Variants in SNX29 observed in about 807,000 individuals in gnomAD.
The protein encoded by SNX29 is sorting nexin 29.
A neutral mutation model predicts 102.1 loss-of-function variants in SNX29; 78 were observed. That is an observed-to-expected ratio of 0.76 (90% CI 0.64 to 0.92). The LOEUF is 0.92. SNX29 is among the 40% of genes least tolerant of loss of function. The pLI, the probability that SNX29 is intolerant of heterozygous loss-of-function variation, is 0.00. For synonymous variants in SNX29, 580 were observed against 414.5 expected, an observed-to-expected ratio of 1.40 and a Z score of -4.85; for missense variants, 1,280 against 1,061.7, an observed-to-expected ratio of 1.21 and a Z score of -2.86.
intron 19 of SNX29, among the ~76,000 whole-genome samples, chr16:12,518,174 T>G (rs1472094621): frequency 1.3e-5 from 2 of 152,062 alleles, no homozygotes; most frequent in Admixed American, 1.3e-4. Flanking sequence ...TTTTGAGAGC[T>G]CTCTCTGCCT....
At chr16:12,043,745 TTTG>T (rs1440116134) in intron 5 of SNX29, among the ~76,000 whole-genome samples, 1 of 128,010 alleles carries the variant, frequency 7.8e-6, no homozygotes, top group Non-Finnish European at 1.8e-5. Flanking sequence ...AGTCATTTTT[TTTG>T]TTGTTGTTTG....
intron 13 of SNX29, among the ~76,000 whole-genome samples, chr16:12,144,454 TGA>T (rs2054977845): frequency 1.3e-5 from 2 of 152,320 alleles, no homozygotes; most frequent in Admixed American, 1.3e-4. Context: ...TGGTACCACC[TGA>T]GAGGTGATTA....
rs373895093 is a variant in SNX29, at chr16:12,502,425, C to T, written c.2179-22277C>T. 2.2e-4 allele frequency among the ~76,000 whole-genome samples: 34 copies of T among 152,284 alleles called. No individual in the cohort carries two copies. In the East Asian group the frequency reaches 5.8e-3, roughly 26 times the overall value. On this transcript the variant is annotated intron_variant, in intron 19 of 20. Coordinates refer to ENST00000566228, the MANE Select transcript of SNX29 (RefSeq NM_032167.5). ...GGCCGGGCCCACAGGGAATGCTTCA[C>T]AGCCGCCGGTGGTGGTGGTTGCTAG... is the stretch of plus-strand genomic sequence containing the variant.
At chr16:12,560,558 AGT>A (rs1399979911) in intron 20 of SNX29, among the ~76,000 whole-genome samples, 2 of 152,130 alleles carry the variant, frequency 1.3e-5, no homozygotes, top group Non-Finnish European at 2.9e-5. Flanking sequence ...AACGTTGCTC[AGT>A]GTGATTCCTT....
At chr16:12,033,246 A>G (rs1004420635) in intron 4 of SNX29, among the ~76,000 whole-genome samples, 12 of 149,172 alleles carry the variant, frequency 8.0e-5, no homozygotes, top group Non-Finnish European at 1.8e-4. Context: ...CTTTTTTCAT[A>G]TATATATATG....
chr16:12,418,706 G>C (rs1567543515), intron 18 of SNX29, among the ~76,000 whole-genome samples: 1 of 152,102 alleles, frequency 6.6e-6, no homozygotes, highest in Non-Finnish European at 1.5e-5. Context: ...GTAGAGACGG[G>C]GTTTTGCCCT....
chr16:12,557,830 AAAC>A (rs1256072265), intron 20 of SNX29: 6 of 152,216 alleles, frequency 3.9e-5, no homozygotes, highest in South Asian at 2.1e-4. Context: ...TTGTTCACCA[AAAC>A]ATCATCAATG....
intron 20 of SNX29, among the ~76,000 whole-genome samples, chr16:12,565,536 G>A (rs565416289): frequency 1.1e-4 from 16 of 152,076 alleles, no homozygotes; most frequent in African/African-American, 3.1e-4. Context: ...ATGGCCTCGA[G>A]GATTGAACCA....
At chr16:12,494,641 C>A (rs996517281) in intron 19 of SNX29, among the ~76,000 whole-genome samples, 3 of 152,312 alleles carry the variant, frequency 2.0e-5, no homozygotes, top group African/African-American at 7.2e-5. Context: ...AGCTTAACCA[C>A]CCCCTTGGAA....
At chr16:12,082,498 C>T (rs370548452) in intron 11 of SNX29, among the ~76,000 whole-genome samples, 1 of 152,042 alleles carries the variant, frequency 6.6e-6, no homozygotes, top group Admixed American at 6.6e-5. Flanking sequence ...CATACATGCC[C>T]TTAAACATGC....
At chr16:12,433,148 C>T (rs1032135850) in intron 18 of SNX29, among the ~76,000 whole-genome samples, 1 of 152,200 alleles carries the variant, frequency 6.6e-6, no homozygotes, top group Admixed American at 6.5e-5. Flanking sequence ...AGGTCCACTC[C>T]CACCACGAGT....
chr16:12,470,369 T>C (rs2087276897), intron 18 of SNX29, among the ~76,000 whole-genome samples: 1 of 152,260 alleles, frequency 6.6e-6, no homozygotes, highest in Admixed American at 6.5e-5. Flanking sequence ...CGGGTTTCTC[T>C]GTGGGGTCTG....
intron 19 of SNX29, among the ~76,000 whole-genome samples, chr16:12,519,667 T>C (rs142851581): frequency 6.6e-6 from 1 of 152,338 alleles, no homozygotes; most frequent in East Asian, 1.9e-4. Flanking sequence ...TGGAGATTCA[T>C]TAAAATTTGT....
chr16:12,032,377 T>C (rs1358130942), intron 4 of SNX29, among the ~76,000 whole-genome samples: 1 of 151,934 alleles, frequency 6.6e-6, no homozygotes, highest in Non-Finnish European at 1.5e-5. Context: ...CCGGCTAATT[T>C]TTGTATTTTT....
chr16:12,252,457 G>T (rs1405393822), intron 14 of SNX29, among the ~76,000 whole-genome samples: 1 of 152,158 alleles, frequency 6.6e-6, no homozygotes, highest in Non-Finnish European at 1.5e-5. Flanking sequence ...TCTAAGATGG[G>T]GGAACACACA....
intron 16 of SNX29, among the ~76,000 whole-genome samples, chr16:12,384,977 C>T (rs1043539641): frequency 9.2e-5 from 14 of 152,168 alleles, no homozygotes; most frequent in African/African-American, 3.4e-4. Flanking sequence ...TCAAGACCAG[C>T]CTGACCAACA....
At chr16:12,252,906 T>C (rs576634429) in intron 14 of SNX29, among the ~76,000 whole-genome samples, 2 of 152,326 alleles carry the variant, frequency 1.3e-5, no homozygotes, top group African/African-American at 4.8e-5. Flanking sequence ...AGCACCAGCT[T>C]AACAAATTCC....
At chr16:12,237,373 C>G (rs1304729515) in intron 14 of SNX29, among the ~76,000 whole-genome samples, 1 of 152,224 alleles carries the variant, frequency 6.6e-6, no homozygotes, top group Non-Finnish European at 1.5e-5. Flanking sequence ...GCGCTTATCT[C>G]TAAGCCTCCC....
chr16:12,078,491 A>G (rs2051697937), intron 10 of SNX29, among the ~76,000 whole-genome samples: 1 of 152,188 alleles, frequency 6.6e-6, no homozygotes, highest in African/African-American at 2.4e-5. Flanking sequence ...TAGACAGCAA[A>G]GAGGATGCTT....
Sources: gnomAD v4.1 joint callset for allele counts (sites outside exome capture counted in the v4.1 genomes callset) on GRCh38, gnomAD v4.1.1 for gene constraint, MANE v1.5 for transcripts, NCBI Gene and HGNC (gene_info 2026-07-23, HGNC 2026-07-21) for gene names.